Variants in ZMAT4 observed in about 807,000 individuals in gnomAD.
ZMAT4 encodes zinc finger matrin-type protein 4.
Under a neutral mutation model 28.7 loss-of-function variants are expected in ZMAT4, and 17 were observed. The observed-to-expected ratio is 0.59, with a 90% CI of 0.41 to 0.89. ZMAT4 has a LOEUF of 0.89. Among genes scored for constraint, ZMAT4 ranks in the 40% least tolerant of loss-of-function variants. ZMAT4 has a pLI of 0.00. For synonymous variants in ZMAT4, 117 were observed against 109.2 expected (o/e 1.07, Z -0.44); for missense variants, 240 against 283.8 (o/e 0.85, Z 1.11).
chr8:40,558,913 A>C (rs964959053), intron 6 of ZMAT4, among the ~76,000 whole-genome samples: 4 of 152,168 alleles, frequency 2.6e-5, no homozygotes, highest in African/African-American at 9.7e-5. Flanking sequence ...TAAGACTGAC[A>C]GAACAGACTC....
At chr8:40,635,761 T>C (rs1408412351) in intron 5 of ZMAT4, among the ~76,000 whole-genome samples, 2 of 152,184 alleles carry the variant, frequency 1.3e-5, no homozygotes, top group South Asian at 4.1e-4. Context: ...AACTTTGGTG[T>C]CACAGCCATG....
intron 3 of ZMAT4, among the ~76,000 whole-genome samples, chr8:40,745,044 G>C (rs1422806116): frequency 6.6e-6 from 1 of 152,162 alleles, no homozygotes; most frequent in African/African-American, 2.4e-5. Context: ...GAAGCCAAGG[G>C]GGAGTTGATA....
At chr8:40,846,450 C>T (rs918206082) in intron 1 of ZMAT4, among the ~76,000 whole-genome samples, 2 of 152,222 alleles carry the variant, frequency 1.3e-5, no homozygotes, top group Admixed American at 1.3e-4. Context: ...CTGAAGCTGC[C>T]GCGGAGCTGC....
chr8:40,683,238 T>C (rs1271891555), intron 4 of ZMAT4, among the ~76,000 whole-genome samples: 5 of 152,194 alleles, frequency 3.3e-5, no homozygotes, highest in Non-Finnish European at 1.5e-5. Flanking sequence ...TAACGATGAA[T>C]GCCGGAATCA....
chr8:40,561,137 CAA>C (rs1803724696), intron 6 of ZMAT4, among the ~76,000 whole-genome samples: 2 of 152,166 alleles, frequency 1.3e-5, no homozygotes, highest in Admixed American at 1.3e-4. Context: ...GACTTCTGTG[CAA>C]AGAGATTCAG....
intron 2 of ZMAT4, among the ~76,000 whole-genome samples, chr8:40,802,212 G>C (rs73617429): frequency 0.017 from 2,590 of 152,290 alleles, 73 homozygotes; most frequent in African/African-American, 0.058. Flanking sequence ...GCATCGTACT[G>C]AAAGTCCTAG....
chr8:40,596,457 T>C (rs1213656445), intron 5 of ZMAT4, among the ~76,000 whole-genome samples: 1 of 152,254 alleles, frequency 6.6e-6, no homozygotes. Flanking sequence ...ATTCTTATTC[T>C]ATAAGATTTT....
At chr8:40,678,186 C>G (rs1808991040) in intron 4 of ZMAT4, among the ~76,000 whole-genome samples, 1 of 152,176 alleles carries the variant, frequency 6.6e-6, no homozygotes, top group Non-Finnish European at 1.5e-5. Flanking sequence ...CATAATACAT[C>G]CAACAGCAAT....
Position 40,883,133 on chromosome 8 carries a change from C to A in ZMAT4, c.-5+14550G>T, listed in dbSNP as rs868725740. ...CTGACATAAACAGGTCCCTTGGCACCCTTGCTGAGGCTCCCTGAGCAAATG... is the reference window on the plus strand; with the variant it reads ...CTGACATAAACAGGTCCCTTGGCACACTTGCTGAGGCTCCCTGAGCAAATG... On this transcript the variant is annotated intron_variant, in intron 1 of 6. Transcript: ENST00000297737. Among the ~76,000 whole-genome samples, 15 of 152,268 alleles carry A rather than the reference C, an allele frequency of 9.9e-5. No homozygotes were observed. In the Middle Eastern group the frequency reaches 0.01, roughly 104 times the overall value.
intron 5 of ZMAT4, among the ~76,000 whole-genome samples, chr8:40,634,136 A>T (rs979818087): frequency 4.6e-5 from 7 of 152,126 alleles, no homozygotes; most frequent in Non-Finnish European, 1.0e-4. Context: ...ACATTATCTT[A>T]AAAAAAAGTT....
intron 5 of ZMAT4, among the ~76,000 whole-genome samples, chr8:40,672,311 G>T (rs1034909143): frequency 6.6e-6 from 1 of 152,060 alleles, no homozygotes; most frequent in Non-Finnish European, 1.5e-5. Context: ...AGGAATAGAG[G>T]GGTGTGTGTG....
At chr8:40,697,499 GT>G in intron 3 of ZMAT4, 98 bp from the exon 4 acceptor site, 1 of 1,224,620 alleles carries the variant, frequency 8.2e-7, no homozygotes. Context: ...GAAATATCTA[GT>G]TTTTGTTCTG....
At chr8:40,807,317 C>T (rs1815129735) in intron 2 of ZMAT4, among the ~76,000 whole-genome samples, 1 of 152,016 alleles carries the variant, frequency 6.6e-6, no homozygotes, top group South Asian at 2.1e-4. Flanking sequence ...TGGTGGAAGC[C>T]TGTAGTCCCA....
rs189293724 is a variant in ZMAT4, at chr8:40,883,757, C to T, written c.-5+13926G>A. ...AGGCCAATGGACTCTTTATTGCCAC[C>T]TGTCTGACTTCTGAGGAGGGTTATT... On this transcript the variant is annotated intron_variant, in intron 1 of 6. Transcript: ENST00000297737. Among the ~76,000 whole-genome samples, 163 of 152,290 alleles carry T rather than the reference C, an allele frequency of 1.1e-3. 2 individuals carry two copies. Among genetic ancestry groups the T allele is most frequent in the Admixed American group, 2.3e-3 (35 of 15,304 alleles).
rs577691617 is a variant in ZMAT4, at chr8:40,897,450, A to T, written c.-5+233T>A. ...CTAGCCTGAGACCAGACCTATTTAG[A>T]CAGACCTGAGCGCAGCTAATTAGGA... On this transcript the variant is annotated intron_variant, in intron 1 of 6. Coordinates refer to ENST00000297737, the MANE Select transcript of ZMAT4 (RefSeq NM_024645.3). Among the ~76,000 whole-genome samples, 548 of 152,288 alleles carry T rather than the reference A, an allele frequency of 3.6e-3. 3 individuals carry two copies. The highest frequency in any genetic ancestry group is 6.8e-3 in the Non-Finnish European group (464 of 68,020).
intron 1 of ZMAT4, among the ~76,000 whole-genome samples, chr8:40,891,813 A>T (rs60700588): frequency 6.6e-6 from 1 of 151,968 alleles, no homozygotes; most frequent in South Asian, 2.1e-4. Context: ...GCCGACCCTG[A>T]GCTGTCCTCT....
chr8:40,785,249 C>A (rs1814019100), intron 2 of ZMAT4, among the ~76,000 whole-genome samples: 2 of 152,358 alleles, frequency 1.3e-5, no homozygotes, highest in South Asian at 2.1e-4. Flanking sequence ...TCATCCTATA[C>A]TGACCTCTCA....
intron 3 of ZMAT4, among the ~76,000 whole-genome samples, chr8:40,766,614 C>T (rs189391777): frequency 1.5e-3 from 233 of 152,302 alleles, no homozygotes; most frequent in African/African-American, 5.2e-3. Context: ...AAAGACAGAT[C>T]TGCAGTGTTC....
intron 1 of ZMAT4, among the ~76,000 whole-genome samples, chr8:40,825,994 C>T (rs1470938034): frequency 6.6e-6 from 1 of 152,194 alleles, no homozygotes; most frequent in African/African-American, 2.4e-5. Flanking sequence ...CACCGTGGCT[C>T]ACGCCTGTAG....
Sources: allele counts gnomAD v4.1 joint callset (sites outside exome capture counted in the v4.1 genomes callset), GRCh38; gene constraint gnomAD v4.1.1; transcripts MANE v1.5; gene names NCBI Gene and HGNC (gene_info 2026-07-23, HGNC 2026-07-21).